DAP: variants seen among roughly 807,000 people sequenced by gnomAD.
The protein encoded by DAP is death-associated protein 1.
In DAP, 8 loss-of-function variants were observed where a neutral mutation model predicts 13.8. The ratio of observed to expected loss-of-function variants is 0.58; its 90% CI spans 0.34 to 1.05. DAP has a LOEUF of 1.05. Among genes scored for constraint, DAP ranks in the 50% least tolerant of loss-of-function variants. The pLI, the probability that DAP is intolerant of heterozygous loss-of-function variation, is 0.03. For synonymous variants in DAP, 47 were observed against 47.5 expected (o/e 0.99, Z 0.04); for missense variants, 106 against 133.2 (o/e 0.80, Z 1.01).
chr5:10,683,543 C>T lies in DAP; in HGVS notation c.181G>A (p.Gly61Arg). ...SPPKPTVFIS[G>R]VIARGDKDFP... ...CCCAGACTTACCCGGGCGATGACCC[C>T]AGAGATGAACACAGTGGGTTTAGGT... The change falls in exon 3 of 4, where the codon GGG becomes AGG. Residue 61 changes from glycine to arginine, a missense_variant. Coordinates refer to ENST00000230895, the MANE Select transcript of DAP (RefSeq NM_004394.3). 1 of 1,613,896 alleles carries T rather than the reference C, an allele frequency of 6.2e-7. No individual in the cohort carries two copies. Among genetic ancestry groups the T allele is most frequent in the Non-Finnish European group, 8.5e-7 (1 of 1,179,978 alleles).
At chr5:10,757,496 ACTC>A (rs2111403338) in intron 1 of DAP, among the ~76,000 whole-genome samples, 1 of 150,258 alleles carries the variant, frequency 6.7e-6, no homozygotes, top group Non-Finnish European at 1.5e-5. Flanking sequence ...CTAGTCTTGA[ACTC>A]CTGAGCTCAG....
intron 2 of DAP, among the ~76,000 whole-genome samples, chr5:10,691,434 T>C (rs564646926): frequency 6.6e-6 from 1 of 152,214 alleles, no homozygotes; most frequent in Non-Finnish European, 1.5e-5. Flanking sequence ...ATGTGGTAGC[T>C]TGAACAAAAT....
chr5:10,714,100 T>C (rs545280151), intron 2 of DAP, among the ~76,000 whole-genome samples: 5 of 152,152 alleles, frequency 3.3e-5, no homozygotes, highest in Non-Finnish European at 5.9e-5. Flanking sequence ...AGAGTAGACA[T>C]ATATGTTTTG....
intron 2 of DAP, among the ~76,000 whole-genome samples, chr5:10,747,255 G>A (rs796834402): frequency 5.3e-5 from 8 of 152,346 alleles, no homozygotes; most frequent in African/African-American, 1.4e-4. Flanking sequence ...AGGTGTGTTA[G>A]TGGTGCCTGT....
chr5:10,746,131 GTGGTATA>G, intron 2 of DAP, among the ~76,000 whole-genome samples: 1 of 152,194 alleles, frequency 6.6e-6, no homozygotes, highest in East Asian at 1.9e-4. Flanking sequence ...GGGGTACTAT[GTGGTATA>G]TGCAAGGTTT....
At chr5:10,700,145 C>A (rs1738539285) in intron 2 of DAP, among the ~76,000 whole-genome samples, 1 of 152,202 alleles carries the variant, frequency 6.6e-6, no homozygotes, top group Admixed American at 6.5e-5. Context: ...TGGAAACTTT[C>A]CACTAAGACG....
intron 2 of DAP, among the ~76,000 whole-genome samples, chr5:10,706,444 TCA>T (rs1738700934): frequency 6.6e-6 from 1 of 152,164 alleles, no homozygotes; most frequent in Non-Finnish European, 1.5e-5. Flanking sequence ...GGAACCAAAC[TCA>T]CAAGTGTGAC....
chr5:10,748,387 T>C, intron 1 of DAP, 116 bp from the exon 2 acceptor site: 1 of 777,188 alleles, frequency 1.3e-6, no homozygotes, highest in Non-Finnish European at 2.2e-6. Flanking sequence ...CTGGAGAATC[T>C]GGCAATGAAA....
chr5:10,729,032 T>C (rs753697745), intron 2 of DAP, among the ~76,000 whole-genome samples: 3 of 152,244 alleles, frequency 2.0e-5, no homozygotes, highest in Admixed American at 1.3e-4. Flanking sequence ...AGCATGTTAA[T>C]TGACAACATC....
chr5:10,685,360 C>T (rs1457561049), intron 2 of DAP, among the ~76,000 whole-genome samples: 3 of 105,766 alleles, frequency 2.8e-5, no homozygotes, highest in African/African-American at 8.9e-5. Flanking sequence ...TTAAAAGTCC[C>T]GCCACGTGGT....
chr5:10,739,505 T>C (rs1739703255), intron 2 of DAP, among the ~76,000 whole-genome samples: 1 of 152,032 alleles, frequency 6.6e-6, no homozygotes, highest in African/African-American at 2.4e-5. Flanking sequence ...CCACTGGCAC[T>C]CTAGGCCTCA....
chr5:10,729,755 A>G (rs1310055205), intron 2 of DAP, among the ~76,000 whole-genome samples: 5 of 152,164 alleles, frequency 3.3e-5, no homozygotes, highest in African/African-American at 1.2e-4. Context: ...AGCCATGTCC[A>G]CAGAGATGCT....
At chr5:10,712,552 T>G (rs62337599) in intron 2 of DAP, among the ~76,000 whole-genome samples, 1 of 151,970 alleles carries the variant, frequency 6.6e-6, no homozygotes, top group African/African-American at 2.4e-5. Context: ...GAGTAGATTC[T>G]GGCCTCTCAG....
Position 10,713,431 on chromosome 5 carries a change from G to A in DAP, c.153-29860C>T, listed in dbSNP as rs143634536. Among the ~76,000 whole-genome samples, 15 of 152,298 alleles carry A rather than the reference G, an allele frequency of 9.8e-5. No homozygotes were observed. In the East Asian group the frequency reaches 2.7e-3, roughly 27 times the overall value. On this transcript the variant is annotated intron_variant, in intron 2 of 3. Coordinates refer to ENST00000230895, the MANE Select transcript of DAP (RefSeq NM_004394.3). The stretch of plus-strand genomic sequence containing the variant: ...CTGATTTTCAAGCCCAGGAGGAGCA[G>A]GGAATGAGGGAGGCAGAAGAGTGAA...
chr5:10,744,670 G>A (rs549771046), intron 2 of DAP, among the ~76,000 whole-genome samples: 176 of 152,284 alleles, frequency 1.2e-3, no homozygotes, highest in African/African-American at 4.1e-3. Context: ...GCCAATGACC[G>A]ACTACATATC....
intron 2 of DAP, among the ~76,000 whole-genome samples, chr5:10,699,137 T>C (rs1738503928): frequency 6.6e-6 from 1 of 152,230 alleles, no homozygotes; most frequent in Non-Finnish European, 1.5e-5. Flanking sequence ...AGGATCTATA[T>C]TGGAAGACTG....
intron 2 of DAP, among the ~76,000 whole-genome samples, chr5:10,714,715 G>A (rs1738936475): frequency 6.6e-6 from 1 of 152,184 alleles, no homozygotes. Context: ...GCATCATGGG[G>A]GTGGATTTCT....
intron 2 of DAP, 103 bp from the exon 3 acceptor site, chr5:10,683,674 G>A: frequency 1.8e-6 from 2 of 1,081,356 alleles, no homozygotes; most frequent in Non-Finnish European, 2.8e-6. Flanking sequence ...GGAGGGCGTG[G>A]AGGCAGAATG....
intron 1 of DAP, among the ~76,000 whole-genome samples, chr5:10,758,453 G>A (rs112446168): frequency 7.4e-4 from 108 of 145,996 alleles, no homozygotes; most frequent in Middle Eastern, 7.1e-3. Context: ...TTTGAGGGGT[G>A]CTGCTATTGG....
Sources: allele counts gnomAD v4.1 joint callset (sites outside exome capture counted in the v4.1 genomes callset), GRCh38; gene constraint gnomAD v4.1.1; transcripts MANE v1.5; gene names NCBI Gene and HGNC (gene_info 2026-07-23, HGNC 2026-07-21).